THSD7B: variants seen among roughly 807,000 people sequenced by gnomAD.
The protein encoded by THSD7B is thrombospondin type-1 domain-containing protein 7B.
A neutral mutation model predicts 213.6 loss-of-function variants in THSD7B; 138 were observed. That is an observed-to-expected ratio of 0.65 (90% CI 0.56 to 0.74). The LOEUF is 0.74. THSD7B is among the 30% of genes least tolerant of loss of function. The pLI, the probability that THSD7B is intolerant of heterozygous loss-of-function variation, is 0.00. For missense variants in THSD7B, 1,931 were observed against 1,991.5 expected, an observed-to-expected ratio of 0.97 and a Z score of 0.58; for synonymous variants, 742 against 687.0, an observed-to-expected ratio of 1.08 and a Z score of -1.25.
intron 12 of THSD7B, 110 bp from the exon 13 acceptor site, chr2:137,405,503 T>G: frequency 9.7e-7 from 1 of 1,034,774 alleles, no homozygotes; most frequent in Non-Finnish European, 1.4e-6. Flanking sequence ...TTTGCACCAT[T>G]TGTGAAGCCC....
chr2:136,864,969 C>G (rs188705427), intron 1 of THSD7B, among the ~76,000 whole-genome samples: 1 of 152,152 alleles, frequency 6.6e-6, no homozygotes, highest in Non-Finnish European at 1.5e-5. Context: ...ATCAATATTA[C>G]CATGTGTCTA....
At chr2:136,813,316 A>C (rs1682414369) in intron 1 of THSD7B, among the ~76,000 whole-genome samples, 1 of 152,150 alleles carries the variant, frequency 6.6e-6, no homozygotes, top group African/African-American at 2.4e-5. Flanking sequence ...GCTGTGACTT[A>C]CCAGACACTG....
At chr2:137,388,714 A>C (rs1036697850) in intron 12 of THSD7B, among the ~76,000 whole-genome samples, 4 of 152,058 alleles carry the variant, frequency 2.6e-5, no homozygotes, top group African/African-American at 7.2e-5. Flanking sequence ...ATTCTACTGC[A>C]TACCTCCATA....
Position 137,186,554 on chromosome 2 carries a change from T to C in THSD7B, c.1723+15616T>C, listed in dbSNP as rs551244409. On this transcript the variant is annotated intron_variant, in intron 7 of 27. Transcript: ENST00000409968. ...GGCTTTATTTTTGAGTTCTCTGTTT[T>C]GTTCCATTGATCTTTTTGTCTGTGT... Among the ~76,000 whole-genome samples, 29 of 152,322 alleles carry C rather than the reference T, an allele frequency of 1.9e-4. No homozygotes were observed. The South Asian group carries it at 5.8e-3, about 30-fold the overall frequency.
At chr2:136,855,633 A>C (rs936606143) in intron 1 of THSD7B, among the ~76,000 whole-genome samples, 1 of 111,360 alleles carries the variant, frequency 9.0e-6, no homozygotes, top group Non-Finnish European at 2.4e-5. Context: ...TTATTTATTT[A>C]TTTATTTTTT....
At chr2:137,025,463 G>T (rs1366118202) in intron 2 of THSD7B, among the ~76,000 whole-genome samples, 1 of 152,050 alleles carries the variant, frequency 6.6e-6, no homozygotes, top group African/African-American at 2.4e-5. Flanking sequence ...ATGTGTGGAT[G>T]TCGATTATTT....
At chr2:137,004,949 A>G (rs1385562802) in intron 2 of THSD7B, among the ~76,000 whole-genome samples, 4 of 152,234 alleles carry the variant, frequency 2.6e-5, no homozygotes, top group African/African-American at 7.2e-5. Context: ...GAAGTTGAAT[A>G]TCATATAAAG....
At chr2:137,069,041 G>C (rs531095808) in intron 3 of THSD7B, among the ~76,000 whole-genome samples, 1 of 152,082 alleles carries the variant, frequency 6.6e-6, no homozygotes, top group South Asian at 2.1e-4. Flanking sequence ...GTAGGCAGTT[G>C]TATTATTCTT....
At chr2:137,158,145 T>C (rs1679945102) in intron 5 of THSD7B, among the ~76,000 whole-genome samples, 1 of 152,190 alleles carries the variant, frequency 6.6e-6, no homozygotes, top group South Asian at 2.1e-4. Context: ...GGATGCTCAG[T>C]GGTTTGAAAC....
chr2:136,820,878 A>C (rs1682554400), intron 1 of THSD7B, among the ~76,000 whole-genome samples: 1 of 152,148 alleles, frequency 6.6e-6, no homozygotes, highest in Admixed American at 6.5e-5. Context: ...TGAGAGAGGG[A>C]GAGAGACAGA....
intron 2 of THSD7B, among the ~76,000 whole-genome samples, chr2:136,967,324 A>G (rs929624843): frequency 8.5e-5 from 13 of 152,108 alleles, no homozygotes; most frequent in African/African-American, 2.9e-4. Flanking sequence ...TCAATGGTGT[A>G]TTTATCCTAC....
intron 17 of THSD7B, among the ~76,000 whole-genome samples, chr2:137,579,183 A>T (rs986928117): frequency 2.0e-5 from 3 of 152,074 alleles, no homozygotes; most frequent in African/African-American, 7.2e-5. Context: ...AATTGTGCCC[A>T]TTGTAGAGAT....
Position 137,535,141 on chromosome 2 carries a change from T to G in THSD7B, c.3139-28080T>G, listed in dbSNP as rs577385548. On this transcript the variant is annotated intron_variant, in intron 15 of 27. Transcript: ENST00000409968. Reference sequence around the variant, plus strand: ...TATGTAAAACTTGATAACCTGTTCATTTTTACTCCTGGTTAATGTTTTGGA... The same window carrying G: ...TATGTAAAACTTGATAACCTGTTCAGTTTTACTCCTGGTTAATGTTTTGGA... 7.2e-5 allele frequency among the ~76,000 whole-genome samples: 11 copies of G among 151,964 alleles called. No homozygotes were observed. In the South Asian group the frequency reaches 1.2e-3, roughly 17 times the overall value.
chr2:136,913,959 T>C (rs567207504), intron 2 of THSD7B, among the ~76,000 whole-genome samples: 3 of 152,252 alleles, frequency 2.0e-5, no homozygotes, highest in South Asian at 2.1e-4. Flanking sequence ...GACCCATGAA[T>C]TGTAGATCCA....
At chr2:137,081,680 T>G (rs948976873) in intron 3 of THSD7B, among the ~76,000 whole-genome samples, 1 of 152,196 alleles carries the variant, frequency 6.6e-6, no homozygotes, top group South Asian at 2.1e-4. Context: ...GGTTTTTCTT[T>G]TCAGCTTTGT....
Position 137,005,367 on chromosome 2 carries a change from A to C in THSD7B, c.140-51053A>C, listed in dbSNP as rs572357684. Among the ~76,000 whole-genome samples, 11 of 152,338 alleles carry C rather than the reference A, an allele frequency of 7.2e-5. No homozygotes were observed. In the South Asian group the frequency reaches 2.3e-3, roughly 32 times the overall value. The stretch of plus-strand genomic sequence containing the variant: ...AGTAGGGTATAATACAGAAAATATC[A>C]TCTGCTATCTTTTCTCCCCAGGGCA... On this transcript the variant is annotated intron_variant, in intron 2 of 27. Transcript: ENST00000409968.
intron 10 of THSD7B, among the ~76,000 whole-genome samples, chr2:137,252,998 A>G (rs1682223769): frequency 6.6e-6 from 1 of 151,330 alleles, no homozygotes; most frequent in South Asian, 2.1e-4. Context: ...TAGAAAAGGA[A>G]AATGAAGCTC....
chr2:137,311,664 T>G (rs1683910864), intron 12 of THSD7B, among the ~76,000 whole-genome samples: 2 of 152,006 alleles, frequency 1.3e-5, no homozygotes, highest in African/African-American at 4.8e-5. Context: ...GCTCTTATTA[T>G]TTTGAGATAT....
chr2:136,897,344 C>A (rs894869146), intron 2 of THSD7B, among the ~76,000 whole-genome samples: 6 of 152,046 alleles, frequency 3.9e-5, no homozygotes, highest in Admixed American at 6.6e-5. Context: ...TCCGGAGTTT[C>A]TTCCTTCTGG....
Sources: gnomAD v4.1 joint callset for allele counts (sites outside exome capture counted in the v4.1 genomes callset) on GRCh38, gnomAD v4.1.1 for gene constraint, MANE v1.5 for transcripts, NCBI Gene and HGNC (gene_info 2026-07-23, HGNC 2026-07-21) for gene names.